ATP1B3: variants seen among roughly 807,000 people sequenced by gnomAD.
ATP1B3 encodes the protein sodium/potassium-transporting ATPase subunit beta-3.
Under a neutral mutation model 30.2 loss-of-function variants are expected in ATP1B3, and 10 were observed. The ratio of observed to expected loss-of-function variants is 0.33; its 90% CI spans 0.20 to 0.56. ATP1B3 has a LOEUF of 0.56. Among genes scored for constraint, ATP1B3 ranks in the 20% least tolerant of loss-of-function variants. The pLI is 0.90. For missense variants in ATP1B3, 238 were observed against 336.7 expected, an observed-to-expected ratio of 0.71 and a Z score of 2.29; for synonymous variants, 113 against 117.0, an observed-to-expected ratio of 0.97 and a Z score of 0.22.
chr3:141,897,857 A>G (rs1934097053), intron 1 of ATP1B3, among the ~76,000 whole-genome samples: 1 of 152,134 alleles, frequency 6.6e-6, no homozygotes, highest in South Asian at 2.1e-4. Flanking sequence ...TTACAGGTAC[A>G]TGCTACCATG....
intron 1 of ATP1B3, among the ~76,000 whole-genome samples, chr3:141,893,577 TCAGCTTGAC>T (rs953435055): frequency 6.6e-6 from 1 of 152,172 alleles, no homozygotes; most frequent in Non-Finnish European, 1.5e-5. Context: ...GAATTTTTCT[TCAGCTTGAC>T]CAGTTCTCCT....
chr3:141,913,528 G>C (rs1934404814), intron 3 of ATP1B3, 124 bp from the exon 4 acceptor site: 1 of 805,256 alleles, frequency 1.2e-6, no homozygotes, highest in Non-Finnish European at 1.9e-6. Context: ...TTTCCCTAAA[G>C]TTATCTGGTA....
In ATP1B3 at chr3:141,913,809, C is replaced by T. The variant is rs778458195; in HGVS notation, c.504C>T (p.Asn168=). ...NDPDFGYSQG[N]PCILVKMNRI... is the part of the protein sequence containing the mutation. Reference sequence around the variant, plus strand: ...CTGATTTTGGCTATTCTCAAGGAAACCCTTGTATTCTTGTGAAAATGAACA... The same window carrying T: ...CTGATTTTGGCTATTCTCAAGGAAATCCTTGTATTCTTGTGAAAATGAACA... Residue 168 remains asparagine, a synonymous_variant, in exon 4 of 7, where the codon AAC becomes AAT. Transcript: ENST00000286371. The T allele has an allele frequency of 1.9e-6, 3 of 1,612,746 alleles. No homozygotes were observed. The highest frequency in any genetic ancestry group is 1.3e-5 in the African/African-American group (1 of 74,866).
At chr3:141,896,230 A>G (rs1934062314) in intron 1 of ATP1B3, among the ~76,000 whole-genome samples, 1 of 151,954 alleles carries the variant, frequency 6.6e-6, no homozygotes, top group African/African-American at 2.4e-5. Flanking sequence ...GTACTTTGGG[A>G]GGCCGAGGCA....
intron 1 of ATP1B3, chr3:141,902,108 A>C (rs1357772322): frequency 1.6e-6 from 2 of 1,282,660 alleles, no homozygotes; most frequent in South Asian, 2.5e-5. Flanking sequence ...TACTTCTTTG[A>C]GATTGGTCTT....
In ATP1B3 at chr3:141,913,632, CAT is replaced by C. The variant is rs766962621; in HGVS notation, c.347-15_347-14del. On this transcript the variant is annotated intron_variant, in intron 3 of 6. Coordinates refer to ENST00000286371, the MANE Select transcript of ATP1B3 (RefSeq NM_001679.4). ...TACCTTTTTTGGCTGATCTAGCACA[CAT>C]ATATGTTTCCTTTTTAGCATATACT... The C allele has an allele frequency of 1.6e-5, 25 of 1,600,984 alleles. No homozygotes were observed. Among genetic ancestry groups the C allele is most frequent in the Middle Eastern group, 2.2e-4 (1 of 4,480 alleles).
chr3:141,887,822 T>G (rs1291947125), intron 1 of ATP1B3, among the ~76,000 whole-genome samples: 10 of 152,228 alleles, frequency 6.6e-5, no homozygotes, highest in African/African-American at 2.4e-4. Flanking sequence ...TATATGGTTT[T>G]ATTTATGTGA....
intron 4 of ATP1B3, among the ~76,000 whole-genome samples, chr3:141,915,290 A>C (rs183319985): frequency 2.0e-5 from 3 of 152,354 alleles, no homozygotes; most frequent in Non-Finnish European, 4.4e-5. Flanking sequence ...AGGAGGTTTC[A>C]TACCAGTATA....
In ATP1B3 at chr3:141,882,415, G is replaced by T. The variant is rs139577889; in HGVS notation, c.109+5505G>T. Among the ~76,000 whole-genome samples, 53 of 152,226 alleles carry T rather than the reference G, an allele frequency of 3.5e-4. No individual in the cohort carries two copies. In the East Asian group the frequency reaches 0.01, roughly 29 times the overall value. Reference sequence around the variant, plus strand: ...TTATCATTTAACATTTAAGGAGAATGGTCTTTATTCCTCTGCCTTTTTCCT... The same window carrying T: ...TTATCATTTAACATTTAAGGAGAATTGTCTTTATTCCTCTGCCTTTTTCCT... On this transcript the variant is annotated intron_variant, in intron 1 of 6. Coordinates refer to ENST00000286371, the MANE Select transcript of ATP1B3 (RefSeq NM_001679.4).
intron 3 of ATP1B3, among the ~76,000 whole-genome samples, chr3:141,911,366 T>C (rs979350758): frequency 1.8e-4 from 28 of 152,168 alleles, no homozygotes; most frequent in Admixed American, 1.3e-4. Context: ...TACTATAATA[T>C]ATCTGGTTAA....
intron 3 of ATP1B3, among the ~76,000 whole-genome samples, chr3:141,912,487 T>A (rs1222062813): frequency 1.3e-5 from 2 of 151,894 alleles, no homozygotes; most frequent in Admixed American, 1.3e-4. Context: ...GGTCTTGAAC[T>A]CTTCATCTCG....
chr3:141,888,242 G>A (rs1330614043), intron 1 of ATP1B3, among the ~76,000 whole-genome samples: 2 of 152,126 alleles, frequency 1.3e-5, no homozygotes, highest in Non-Finnish European at 2.9e-5. Context: ...TTGAGTGTTG[G>A]AGAATATGAA....
chr3:141,890,086 C>CTTTTTTTTTTTTTTTTT, intron 1 of ATP1B3, among the ~76,000 whole-genome samples: 1 of 107,550 alleles, frequency 9.3e-6, no homozygotes, highest in Non-Finnish European at 1.8e-5. Flanking sequence ...AATTTTTTTT[C>CTTTTTTTTTTTTTTTTT]TTTTTTTTTT....
chr3:141,881,530 C>CT (rs1371839329), intron 1 of ATP1B3, among the ~76,000 whole-genome samples: 1 of 152,214 alleles, frequency 6.6e-6, no homozygotes, highest in African/African-American at 2.4e-5. Flanking sequence ...TCTGGGGCAT[C>CT]TGACAGTAGG....
chr3:141,909,971 T>C (rs1051657221), intron 3 of ATP1B3, among the ~76,000 whole-genome samples: 3 of 152,164 alleles, frequency 2.0e-5, no homozygotes, highest in African/African-American at 7.2e-5. Flanking sequence ...GACACATTTC[T>C]TTTTTCTTTC....
chr3:141,884,687 CT>C (rs534803471), intron 1 of ATP1B3, among the ~76,000 whole-genome samples: 42 of 152,336 alleles, frequency 2.8e-4, no homozygotes, highest in African/African-American at 9.1e-4. Context: ...TAGCCTACAT[CT>C]TTCTCCCGTG....
chr3:141,900,069 G>T (rs1453270446), intron 1 of ATP1B3, among the ~76,000 whole-genome samples: 1 of 151,924 alleles, frequency 6.6e-6, no homozygotes, highest in Non-Finnish European at 1.5e-5. Context: ...TTTTTTCCAG[G>T]TTCCTGGCAC....
intron 5 of ATP1B3, among the ~76,000 whole-genome samples, chr3:141,920,192 T>C (rs572443085): frequency 6.6e-6 from 1 of 152,206 alleles, no homozygotes; most frequent in South Asian, 2.1e-4. Flanking sequence ...TGAGCCCCAG[T>C]GCCCTGCTCC....
At chr3:141,910,680 G>T (rs1934342353) in intron 3 of ATP1B3, among the ~76,000 whole-genome samples, 2 of 151,856 alleles carry the variant, frequency 1.3e-5, no homozygotes, top group African/African-American at 4.8e-5. Context: ...GCACTCTACT[G>T]TTTCTACATC....
Sources: gnomAD v4.1 joint callset for allele counts (sites outside exome capture counted in the v4.1 genomes callset) on GRCh38, gnomAD v4.1.1 for gene constraint, MANE v1.5 for transcripts, NCBI Gene and HGNC (gene_info 2026-07-23, HGNC 2026-07-21) for gene names.